The following NRCAM variants were observed in gnomAD, a reference collection of about 807,000 sequenced individuals.
NRCAM encodes NgCAM-related cell adhesion molecule.
NRCAM carries 83 observed loss-of-function variants against 156.5 expected under a neutral mutation model. That is an observed-to-expected ratio of 0.53 (90% confidence interval 0.44 to 0.64). The LOEUF (loss-of-function observed/expected upper bound fraction) is 0.64, where lower values mean the gene tolerates loss of function less well. NRCAM is among the 30% of genes least tolerant of loss of function. NRCAM has a pLI of 0.00. For missense variants in NRCAM, 1,417 were observed against 1,597.3 expected, an observed-to-expected ratio of 0.89 and a Z score of 1.92; for synonymous variants, 538 against 563.9, an observed-to-expected ratio of 0.95 and a Z score of 0.65.
chr7:108,183,357 T>C (rs1394543011), intron 22 of NRCAM, among the ~76,000 whole-genome samples: 5 of 151,864 alleles, frequency 3.3e-5, no homozygotes, highest in Non-Finnish European at 7.4e-5. Context: ...TACATGTTTG[T>C]ATAAATATAA....
At chr7:108,159,368 G>C (rs1466156629) in intron 32 of NRCAM, 95 bp downstream of exon 32, 1 of 1,043,750 alleles carries the variant, frequency 9.6e-7, no homozygotes, top group Non-Finnish European at 1.5e-6. Flanking sequence ...AGGAAAATAT[G>C]AGATGCCAGG....
At position 108,304,513 on chromosome 7, in the gene NRCAM, T is replaced by C. The variant is rs73201529; in HGVS notation, c.-107+8152A>G. ...GGCTCTTTTTGCATTTTATCACCTC[T>C]CTCAGTTCCCTATTTATAACAAGCA... is the stretch of plus-strand genomic sequence containing the variant. On this transcript the variant is annotated intron_variant, in intron 3 of 32. Coordinates refer to ENST00000379028, the MANE Select transcript of NRCAM (RefSeq NM_001037132.4). Among the ~76,000 whole-genome samples the C allele has an allele frequency of 4.2e-3, 633 of 152,280 alleles. 2 individuals are homozygous for C. The highest frequency in any genetic ancestry group is 7.1e-3 in the Non-Finnish European group (486 of 68,000).
chr7:108,269,434 T>C (rs962531978), intron 3 of NRCAM, among the ~76,000 whole-genome samples: 6 of 152,190 alleles, frequency 3.9e-5, no homozygotes, highest in Non-Finnish European at 7.3e-5. Context: ...GACTGTCTCT[T>C]TTCCCTCTAG....
At chr7:108,401,210 C>G (rs528228841) in intron 1 of NRCAM, among the ~76,000 whole-genome samples, 11 of 152,150 alleles carry the variant, frequency 7.2e-5, no homozygotes, top group African/African-American at 2.2e-4. Context: ...ACTGCACCAG[C>G]CTGGGCGACA....
intron 2 of NRCAM, among the ~76,000 whole-genome samples, chr7:108,346,185 G>C (rs1341725785): frequency 6.6e-6 from 1 of 152,156 alleles, no homozygotes; most frequent in African/African-American, 2.4e-5. Flanking sequence ...CACAATTTAG[G>C]AGGAGTGGGA....
chr7:108,223,444 C>G (rs1278530819), intron 11 of NRCAM, among the ~76,000 whole-genome samples: 1 of 152,098 alleles, frequency 6.6e-6, no homozygotes, highest in Admixed American at 6.5e-5. Context: ...TAAGATACTA[C>G]TACTATATTA....
At position 108,178,000 on chromosome 7, in the gene NRCAM, C is replaced by T. The variant is rs1462141395; in HGVS notation, c.2964G>A (p.Lys988=). ...PNGILTEYTL[K]YQPINSTHEL... ...CTCCCAACAGCTTACTTGGCTGATACTTTAAGGTGTACTCTGTCAAAATGC... is the reference window on the plus strand; with the variant it reads ...CTCCCAACAGCTTACTTGGCTGATATTTTAAGGTGTACTCTGTCAAAATGC... The change falls in exon 26 of 33, where the codon AAG becomes AAA. Residue 988 remains lysine (K), a synonymous_variant. Coordinates refer to ENST00000379028, the MANE Select transcript of NRCAM (RefSeq NM_001037132.4). 2.5e-6 allele frequency: 4 copies of T among 1,610,734 alleles called. No individual in the cohort carries two copies. Among genetic ancestry groups the T allele is most frequent in the Non-Finnish European group, 3.4e-6 (4 of 1,178,114 alleles).
At position 108,179,992 on chromosome 7, in the gene NRCAM, C is replaced by T. The variant is rs545475360; in HGVS notation, c.2851+231G>A. Reference sequence around the variant, plus strand: ...GTGTGTGGAGAAAAATTTTAAGTCACGGGAGAGGGCATTTCAGAGCAGCAT... The same window carrying T: ...GTGTGTGGAGAAAAATTTTAAGTCATGGGAGAGGGCATTTCAGAGCAGCAT... On this transcript the variant is annotated intron_variant, in intron 25 of 32. Transcript: ENST00000379028. 1.1e-4 allele frequency among the ~76,000 whole-genome samples: 16 copies of T among 152,230 alleles called. No individual in the cohort carries two copies. In the East Asian group the frequency reaches 1.3e-3, roughly 13 times the overall value.
chr7:108,156,968 A>G (rs1443585396), intron 32 of NRCAM, among the ~76,000 whole-genome samples: 1 of 152,160 alleles, frequency 6.6e-6, no homozygotes, highest in Non-Finnish European at 1.5e-5. Flanking sequence ...AAGGGAAAAC[A>G]TTCTGAGGTA....
intron 2 of NRCAM, among the ~76,000 whole-genome samples, chr7:108,395,954 A>G (rs1303131420): frequency 6.6e-6 from 1 of 152,124 alleles, no homozygotes; most frequent in Admixed American, 6.5e-5. Context: ...TTCCATATCT[A>G]TTCATCCCTG....
chr7:108,346,015 TAGA>T (rs1337767444), intron 2 of NRCAM, among the ~76,000 whole-genome samples: 1 of 152,178 alleles, frequency 6.6e-6, no homozygotes, highest in East Asian at 1.9e-4. Context: ...AATTTTTATT[TAGA>T]AAGGTTTCTT....
chr7:108,248,068 C>T (rs1329167855), intron 3 of NRCAM, among the ~76,000 whole-genome samples: 1 of 152,160 alleles, frequency 6.6e-6, no homozygotes, highest in South Asian at 2.1e-4. Flanking sequence ...TGTGGAGTCA[C>T]TGAAACAAGC....
chr7:108,316,350 C>T lies in NRCAM; in HGVS notation c.-173-3619G>A, dbSNP rs114839187. Among the ~76,000 whole-genome samples, 870 of 152,310 alleles carry T rather than the reference C, an allele frequency of 5.7e-3. 8 individuals are homozygous for T. Among genetic ancestry groups the T allele is most frequent in the African/African-American group, 0.02 (813 of 41,556 alleles). ...GGCCTCTTGAACTTGGACTTCTCTG[C>T]CTCCAGAACCATGAGCCAAATACAT... On this transcript the variant is annotated intron_variant, in intron 2 of 32. Transcript: ENST00000379028.
chr7:108,418,426 CATA>C (rs1316675232), intron 1 of NRCAM, among the ~76,000 whole-genome samples: 1 of 152,144 alleles, frequency 6.6e-6, no homozygotes, highest in Non-Finnish European at 1.5e-5. Flanking sequence ...TCCTGAAGAG[CATA>C]ATAATAGATG....
intron 1 of NRCAM, among the ~76,000 whole-genome samples, chr7:108,452,568 G>C (rs537545572): frequency 1.0e-3 from 153 of 152,294 alleles, no homozygotes; most frequent in Middle Eastern, 3.4e-3. Context: ...TGCCAGGAAG[G>C]TTCCTGGAAG....
At chr7:108,271,811 T>G (rs1437538590) in intron 3 of NRCAM, among the ~76,000 whole-genome samples, 1 of 152,208 alleles carries the variant, frequency 6.6e-6, no homozygotes, top group Non-Finnish European at 1.5e-5. Context: ...TTTATTACTG[T>G]TAAAACTTCT....
Position 108,191,714 on chromosome 7 carries a change from T to C in NRCAM, c.1903+15A>G, listed in dbSNP as rs1228400102. 2 of 1,575,510 alleles carry C rather than the reference T, an allele frequency of 1.3e-6. No individual in the cohort carries two copies. Among genetic ancestry groups the C allele is most frequent in the Admixed American group, 3.7e-5 (2 of 54,238 alleles). ...GCAGGGAAGCCAGTTGTGCTATTTT[T>C]GTTTTCGTTCTTACCAACAACGCTA... On this transcript the variant is annotated intron_variant, in intron 18 of 32. Coordinates refer to ENST00000379028, the MANE Select transcript of NRCAM (RefSeq NM_001037132.4).
At chr7:108,358,560 A>C (rs2099524565) in intron 2 of NRCAM, among the ~76,000 whole-genome samples, 1 of 152,072 alleles carries the variant, frequency 6.6e-6, no homozygotes, top group African/African-American at 2.4e-5. Flanking sequence ...TGTCTAATGC[A>C]TTCACACACA....
intron 2 of NRCAM, among the ~76,000 whole-genome samples, chr7:108,330,010 C>T (rs2099110677): frequency 6.6e-6 from 1 of 152,048 alleles, no homozygotes; most frequent in Non-Finnish European, 1.5e-5. Context: ...CTAGTGGTAC[C>T]AGCTGATAGA....
Sources: allele counts gnomAD v4.1 joint callset (sites outside exome capture counted in the v4.1 genomes callset), GRCh38; gene constraint gnomAD v4.1.1; transcripts MANE v1.5; gene names NCBI Gene and HGNC (gene_info 2026-07-23, HGNC 2026-07-21).